LAMA3: variants seen among roughly 807,000 people sequenced by gnomAD.
The protein encoded by LAMA3 is laminin subunit alpha-3.
LAMA3 carries 281 observed loss-of-function variants against 402.0 expected under a neutral mutation model. That is an observed-to-expected ratio of 0.70 (90% CI 0.63 to 0.77). The LOEUF is 0.77. Among genes scored for constraint, LAMA3 ranks in the 30% least tolerant of loss-of-function variants. The probability of loss-of-function intolerance (pLI) is 0.00; values close to 1 mark genes in which losing one functional copy is unlikely to be tolerated. For missense variants in LAMA3, 3,840 were observed against 4,215.5 expected (o/e 0.91, Z 2.47); for synonymous variants, 1,431 against 1,558.4 (o/e 0.92, Z 1.93).
intron 6 of LAMA3, 133 bp downstream of exon 6, chr18:23,753,945 G>T: frequency 2.8e-6 from 2 of 716,148 alleles, no homozygotes; most frequent in East Asian, 2.8e-5. Context: ...ATGAATAGGT[G>T]GGGGGTGTGT....
intron 2 of LAMA3, among the ~76,000 whole-genome samples, chr18:23,731,150 C>A (rs2061388398): frequency 1.3e-5 from 2 of 152,176 alleles, no homozygotes; most frequent in Admixed American, 6.5e-5. Flanking sequence ...GCAAATATAT[C>A]CTTTAATTAT....
At chr18:23,824,644 ACAGCGAC>A in intron 21 of LAMA3, 79 bp downstream of exon 21, 5 of 1,460,428 alleles carry the variant, frequency 3.4e-6, no homozygotes, top group Non-Finnish European at 3.8e-6. Context: ...ACTACAATCC[ACAGCGAC>A]CATAAAATAT....
Position 23,916,641 on chromosome 18 carries a change from A to G in LAMA3, c.7869A>G (p.Gly2623=). Residue 2623 remains glycine, a synonymous_variant, in exon 60 of 75, where the codon GGA becomes GGG. Transcript: ENST00000313654. ...TQPHAPIPTF[G]QTIQTTVDRG... ...CACATGCTCCCATCCCAACCTTTGG[A>G]CAGACAATTCAGACCACCGTGGATA... 1 of 1,614,148 alleles carries G rather than the reference A, an allele frequency of 6.2e-7. No individual in the cohort carries two copies. The highest frequency in any genetic ancestry group is 8.5e-7 in the Non-Finnish European group (1 of 1,179,994).
intron 1 of LAMA3, among the ~76,000 whole-genome samples, chr18:23,692,589 C>T (rs997154572): frequency 6.6e-6 from 1 of 152,156 alleles, no homozygotes; most frequent in African/African-American, 2.4e-5. Flanking sequence ...ATGTTTTAAA[C>T]AATAGATTCA....
chr18:23,692,372 AG>A (rs1271972737), intron 1 of LAMA3, among the ~76,000 whole-genome samples: 1 of 152,120 alleles, frequency 6.6e-6, no homozygotes, highest in African/African-American at 2.4e-5. Context: ...CCTGGGTTCA[AG>A]CTATTCTTCT....
chr18:23,787,223 A>G (rs1264903937), intron 12 of LAMA3, among the ~76,000 whole-genome samples: 1 of 152,220 alleles, frequency 6.6e-6, no homozygotes, highest in Non-Finnish European at 1.5e-5. Context: ...CAGAAGTTGC[A>G]GTGAGCCAAG....
At chr18:23,794,727 C>T (rs992153621) in intron 12 of LAMA3, among the ~76,000 whole-genome samples, 1 of 152,224 alleles carries the variant, frequency 6.6e-6, no homozygotes, top group African/African-American at 2.4e-5. Flanking sequence ...AGTTAGTTGA[C>T]AGCAGGAGTT....
At chr18:23,949,946 T>A (rs1379587759) in intron 71 of LAMA3, 22 bp downstream of exon 71, 2 of 1,614,086 alleles carry the variant, frequency 1.2e-6, no homozygotes, top group Non-Finnish European at 1.7e-6. Context: ...TTCTATAGAA[T>A]TTAAGTCTTT....
chr18:23,869,604 T>A (rs952126648), intron 37 of LAMA3, among the ~76,000 whole-genome samples: 3 of 152,216 alleles, frequency 2.0e-5, no homozygotes, highest in Admixed American at 6.5e-5. Context: ...TATTTGTATG[T>A]TAGTAATAGC....
intron 12 of LAMA3, among the ~76,000 whole-genome samples, chr18:23,802,645 G>A (rs749210976): frequency 5.3e-5 from 8 of 152,094 alleles, no homozygotes; most frequent in Admixed American, 3.3e-4. Flanking sequence ...TGATCGTCAC[G>A]TCTCCTGGTA....
At chr18:23,713,147 C>A (rs938607357) in intron 1 of LAMA3, among the ~76,000 whole-genome samples, 1 of 152,100 alleles carries the variant, frequency 6.6e-6, no homozygotes, top group Non-Finnish European at 1.5e-5. Context: ...AATGGATCCC[C>A]ATTTACTTAC....
chr18:23,714,051 C>T lies in LAMA3; in HGVS notation c.426C>T (p.Asn142=), dbSNP rs1418388544. 5.0e-6 allele frequency: 8 copies of T among 1,613,782 alleles called. No homozygotes were observed. Among genetic ancestry groups the T allele is most frequent in the Non-Finnish European group, 6.8e-6 (8 of 1,179,970 alleles). Residue 142 remains asparagine, a synonymous_variant, in exon 2 of 75, where the codon AAC becomes AAT. Transcript: ENST00000313654. ...LSSGTQYNRV[N]LTLDLGQLFH... is the part of the protein sequence containing the mutation. ...CAGGCACACAGTACAACAGAGTCAA[C>T]CTCACCTTGGATCTGGGGCAGGTGA... is the stretch of plus-strand genomic sequence containing the variant.
chr18:23,760,000 G>C (rs1048870333), intron 7 of LAMA3, among the ~76,000 whole-genome samples: 2 of 151,992 alleles, frequency 1.3e-5, no homozygotes, highest in African/African-American at 4.8e-5. Flanking sequence ...AGTAACCAGG[G>C]GTTGTTTCTT....
rs1339772859 is a variant in LAMA3, at chr18:23,731,862, G to A, written c.448-16081G>A. ...GTTGTACCCTAGACCTCAGCATCAC[G>A]CAATATACCCATGTAACAAACCTAC... On this transcript the variant is annotated intron_variant, in intron 2 of 74. Coordinates refer to ENST00000313654, the MANE Select transcript of LAMA3 (RefSeq NM_198129.4). 2.0e-5 allele frequency among the ~76,000 whole-genome samples: 3 copies of A among 152,066 alleles called. No homozygotes were observed. The South Asian group carries it at 6.2e-4, about 32-fold the overall frequency.
chr18:23,773,754 TG>T lies in LAMA3; in HGVS notation c.1273+169del, dbSNP rs2062254279. Among the ~76,000 whole-genome samples, 2 of 152,244 alleles carry T rather than the reference TG, an allele frequency of 1.3e-5. 1 individual carries two copies. Among genetic ancestry groups the T allele is most frequent in the South Asian group, 4.1e-4 (2 of 4,832 alleles). On this transcript the variant is annotated intron_variant, in intron 9 of 74. Coordinates refer to ENST00000313654, the MANE Select transcript of LAMA3 (RefSeq NM_198129.4). Reference sequence around the variant, plus strand: ...TCACTTACACAGTCTCTTTGAATTTTGGATTTATTGCATGTAAATGGAAATG... The same window carrying T: ...TCACTTACACAGTCTCTTTGAATTTTGATTTATTGCATGTAAATGGAAATG...
intron 30 of LAMA3, among the ~76,000 whole-genome samples, chr18:23,845,951 GTAT>G (rs2063805291): frequency 6.6e-6 from 1 of 152,108 alleles, no homozygotes; most frequent in Non-Finnish European, 1.5e-5. Flanking sequence ...TTTATTAGTT[GTAT>G]TATTATACAC....
At chr18:23,703,072 A>G (rs1486935225) in intron 1 of LAMA3, among the ~76,000 whole-genome samples, 1 of 152,228 alleles carries the variant, frequency 6.6e-6, no homozygotes, top group Non-Finnish European at 1.5e-5. Context: ...GTCTATGGCT[A>G]GTGGTGCACC....
chr18:23,946,141 A>G lies in LAMA3; in HGVS notation c.9211-3A>G. ...CAACTCACGTATCTTTCTTACTCTG[A>G]AGGTGGTGTTTGGCCATGATGGGGA... is the stretch of plus-strand genomic sequence containing the variant. On this transcript the variant is annotated splice_polypyrimidine_tract_variant and splice_region_variant and intron_variant, in intron 69 of 74. Transcript: ENST00000313654. 1 of 1,613,546 alleles carries G rather than the reference A, an allele frequency of 6.2e-7. No individual in the cohort carries two copies. The highest frequency in any genetic ancestry group is 8.5e-7 in the Non-Finnish European group (1 of 1,179,492).
At chr18:23,887,174 G>A (rs1230244680) in intron 41 of LAMA3, among the ~76,000 whole-genome samples, 3 of 152,224 alleles carry the variant, frequency 2.0e-5, no homozygotes, top group African/African-American at 4.8e-5. Flanking sequence ...AGCACAGACA[G>A]TGTCCTCAAG....
Sources: allele counts gnomAD v4.1 joint callset (sites outside exome capture counted in the v4.1 genomes callset), GRCh38; gene constraint gnomAD v4.1.1; transcripts MANE v1.5; gene names NCBI Gene and HGNC (gene_info 2026-07-23, HGNC 2026-07-21).